The following SND1 variants were observed in gnomAD, a reference collection of about 807,000 sequenced individuals.
SND1 encodes staphylococcal nuclease and tudor domain containing 1, also known as staphylococcal nuclease domain-containing protein 1.
SND1 carries 38 observed loss-of-function variants against 121.7 expected under a neutral mutation model. That is an observed-to-expected ratio of 0.31 (90% CI 0.24 to 0.41). SND1 has a LOEUF of 0.41. Ranked by LOEUF, SND1 falls within the 10% of genes least tolerant of loss-of-function variation. The pLI is 1.00. For synonymous variants in SND1, 401 were observed against 447.4 expected (o/e 0.90, Z 1.31); for missense variants, 868 against 1,184.6 (o/e 0.73, Z 3.92).
intron 2 of SND1, among the ~76,000 whole-genome samples, chr7:127,690,634 C>G (rs1189712881): frequency 6.6e-6 from 1 of 152,232 alleles, no homozygotes; most frequent in Non-Finnish European, 1.5e-5. Context: ...ATCTCTGTGT[C>G]TTTGTGCCTA....
At chr7:128,051,475 A>C (rs1793045108) in intron 16 of SND1, among the ~76,000 whole-genome samples, 1 of 152,182 alleles carries the variant, frequency 6.6e-6, no homozygotes, top group Non-Finnish European at 1.5e-5. Flanking sequence ...ACAGGGTTTT[A>C]TTTACCACCA....
chr7:127,661,825 A>G lies in SND1; in HGVS notation c.78+9374A>G, dbSNP rs1156655273. 5.3e-5 allele frequency among the ~76,000 whole-genome samples: 8 copies of G among 152,150 alleles called. 1 individual carries two copies. The highest frequency in any genetic ancestry group is 5.2e-4 in the Admixed American group (8 of 15,276). ...GTAGAGAGGTATGAAGTAAAAAAGA[A>G]AAATCCCTAGCTGGGCATGGTGGCC... is the stretch of plus-strand genomic sequence containing the variant. On this transcript the variant is annotated intron_variant, in intron 1 of 23. Coordinates refer to ENST00000354725, the MANE Select transcript of SND1 (RefSeq NM_014390.4).
intron 12 of SND1, among the ~76,000 whole-genome samples, chr7:127,845,633 T>C (rs542899368): frequency 2.0e-5 from 3 of 152,260 alleles, no homozygotes; most frequent in Non-Finnish European, 4.4e-5. Context: ...TGTAGAGACC[T>C]GGAATCTTAG....
At chr7:127,774,827 C>T (rs1464381662) in intron 10 of SND1, among the ~76,000 whole-genome samples, 2 of 152,206 alleles carry the variant, frequency 1.3e-5, no homozygotes, top group Non-Finnish European at 2.9e-5. Context: ...GATCTGCCCA[C>T]CTCGGCCTCC....
At chr7:127,951,712 A>G (rs1198183275) in intron 15 of SND1, among the ~76,000 whole-genome samples, 1 of 152,200 alleles carries the variant, frequency 6.6e-6, no homozygotes, top group African/African-American at 2.4e-5. Flanking sequence ...AATTGATTAA[A>G]GAATGTGCCT....
intron 12 of SND1, among the ~76,000 whole-genome samples, chr7:127,846,272 T>C (rs1214180708): frequency 6.6e-6 from 1 of 152,188 alleles, no homozygotes; most frequent in Non-Finnish European, 1.5e-5. Context: ...TTTACCAAAG[T>C]AAAATTTTTT....
At chr7:127,723,367 CT>C (rs1796529009) in intron 10 of SND1, among the ~76,000 whole-genome samples, 2 of 149,928 alleles carry the variant, frequency 1.3e-5, no homozygotes, top group Admixed American at 1.3e-4. Flanking sequence ...GGCGTGTTAC[CT>C]CTTTTTTTTC....
chr7:128,031,764 G>A (rs1792614991), intron 16 of SND1: 1 of 144,946 alleles, frequency 6.9e-6, no homozygotes, highest in Non-Finnish European at 1.5e-5. Flanking sequence ...GCCCCCGGCG[G>A]CGCGCAACCG....
intron 10 of SND1, among the ~76,000 whole-genome samples, chr7:127,747,698 T>C (rs1380421113): frequency 6.6e-6 from 1 of 152,226 alleles, no homozygotes. Flanking sequence ...CACAGCATGG[T>C]ATTTTCTTAA....
Position 128,087,068 on chromosome 7 carries a change from C to T in SND1, c.2418+17C>T, listed in dbSNP as rs1379225486. 33 of 1,591,194 alleles carry T rather than the reference C, an allele frequency of 2.1e-5. No homozygotes were observed. The highest frequency in any genetic ancestry group is 2.7e-5 in the Non-Finnish European group (32 of 1,164,498). On this transcript the variant is annotated intron_variant, in intron 21 of 23. Transcript: ENST00000354725. ...CCCCAAGATGTGAGTCTGGAGTCTT[C>T]CTCCTTCCAAAGGGGACTATCCACT...
intron 8 of SND1, among the ~76,000 whole-genome samples, chr7:127,707,222 T>C (rs77083886): frequency 0.016 from 2,387 of 152,312 alleles, 64 homozygotes; most frequent in African/African-American, 0.054. Context: ...TTAAGAAATA[T>C]GTTTGTTTAG....
chr7:127,924,139 A>G (rs775465935), intron 14 of SND1, among the ~76,000 whole-genome samples: 1 of 152,112 alleles, frequency 6.6e-6, no homozygotes, highest in Non-Finnish European at 1.5e-5. Flanking sequence ...CTTCATAGGA[A>G]GAAACATCCT....
At chr7:127,985,530 T>C (rs1802367104) in intron 15 of SND1, among the ~76,000 whole-genome samples, 1 of 152,230 alleles carries the variant, frequency 6.6e-6, no homozygotes, top group African/African-American at 2.4e-5. Flanking sequence ...AGTGCTGGGA[T>C]TACAGGCTTC....
intron 12 of SND1, among the ~76,000 whole-genome samples, chr7:127,870,096 C>CT (rs1799553535): frequency 6.6e-6 from 1 of 152,150 alleles, no homozygotes; most frequent in Admixed American, 6.5e-5. Context: ...CTAAATACTA[C>CT]TTACTATCTC....
intron 1 of SND1, among the ~76,000 whole-genome samples, chr7:127,684,286 G>A (rs942960464): frequency 6.6e-6 from 1 of 152,134 alleles, no homozygotes; most frequent in African/African-American, 2.4e-5. Flanking sequence ...AGGTCCCCTG[G>A]GAATGCGTTA....
intron 11 of SND1, among the ~76,000 whole-genome samples, chr7:127,816,189 C>T (rs1798437924): frequency 6.6e-6 from 1 of 152,222 alleles, no homozygotes; most frequent in Non-Finnish European, 1.5e-5. Context: ...GCCTCCATCA[C>T]TTCTACTTAG....
chr7:127,947,711 A>G (rs1801359815), intron 15 of SND1, among the ~76,000 whole-genome samples: 1 of 152,014 alleles, frequency 6.6e-6, no homozygotes, highest in Admixed American at 6.6e-5. Flanking sequence ...CACTCTTATC[A>G]TATTTGCAGT....
chr7:127,794,455 T>A (rs1038268386), intron 10 of SND1, among the ~76,000 whole-genome samples: 4 of 152,234 alleles, frequency 2.6e-5, no homozygotes, highest in Non-Finnish European at 4.4e-5. Context: ...TTATTTTCCC[T>A]TCTGTGTTCT....
At chr7:127,860,425 C>T (rs1050208336) in intron 12 of SND1, among the ~76,000 whole-genome samples, 1 of 152,202 alleles carries the variant, frequency 6.6e-6, no homozygotes, top group Non-Finnish European at 1.5e-5. Context: ...GCTTAAGGTG[C>T]TTGTTCTTCA....
Sources: gnomAD v4.1 joint callset for allele counts (sites outside exome capture counted in the v4.1 genomes callset) on GRCh38, gnomAD v4.1.1 for gene constraint, MANE v1.5 for transcripts, NCBI Gene and HGNC (gene_info 2026-07-23, HGNC 2026-07-21) for gene names.